RYR2: variants seen among roughly 807,000 people sequenced by gnomAD.
The protein encoded by RYR2 is cardiac muscle ryanodine receptor-calcium release channel.
RYR2 carries 227 observed loss-of-function variants against 601.1 expected under a neutral mutation model. The observed-to-expected ratio is 0.38, with a 90% CI of 0.34 to 0.42. The LOEUF is 0.42. RYR2 is among the 10% of genes least tolerant of loss of function. The pLI, the probability that RYR2 is intolerant of heterozygous loss-of-function variation, is 1.00. For missense variants in RYR2, 4,646 were observed against 6,156.5 expected, an observed-to-expected ratio of 0.75 and a Z score of 8.21; for synonymous variants, 2,223 against 2,175.1, an observed-to-expected ratio of 1.02 and a Z score of -0.61.
intron 12 of RYR2, among the ~76,000 whole-genome samples, chr1:237,426,195 G>A (rs1045812573): frequency 2.0e-5 from 3 of 152,098 alleles, no homozygotes; most frequent in South Asian, 2.1e-4. Flanking sequence ...GGGTTATACC[G>A]AATGGTAGCA....
intron 1 of RYR2, among the ~76,000 whole-genome samples, chr1:237,085,599 G>C (rs182941502): frequency 1.4e-3 from 214 of 152,286 alleles, no homozygotes; most frequent in Admixed American, 3.7e-3. Flanking sequence ...TAATCTATTT[G>C]ATTAGATTGC....
At chr1:237,505,885 A>G (rs1665171132) in intron 22 of RYR2, among the ~76,000 whole-genome samples, 1 of 152,228 alleles carries the variant, frequency 6.6e-6, no homozygotes, top group Non-Finnish European at 1.5e-5. Context: ...ATGGGAACAT[A>G]TAAAGATTTT....
intron 1 of RYR2, among the ~76,000 whole-genome samples, chr1:237,178,109 A>G (rs1388323983): frequency 6.6e-6 from 1 of 152,140 alleles, no homozygotes; most frequent in Non-Finnish European, 1.5e-5. Flanking sequence ...GGTTTTAATG[A>G]GCATTTCTCT....
At chr1:237,735,101 C>G (rs928759221) in intron 79 of RYR2, among the ~76,000 whole-genome samples, 3 of 152,062 alleles carry the variant, frequency 2.0e-5, no homozygotes, top group Non-Finnish European at 2.9e-5. Flanking sequence ...GTGTGGTCAC[C>G]AAAATCATGT....
chr1:237,800,574 TA>T (rs1659846690), intron 97 of RYR2, among the ~76,000 whole-genome samples: 1 of 152,112 alleles, frequency 6.6e-6, no homozygotes, highest in Non-Finnish European at 1.5e-5. Flanking sequence ...AAGAAGTCAA[TA>T]AAGACTAAAA....
chr1:237,817,298 G>T (rs913105440), intron 100 of RYR2, among the ~76,000 whole-genome samples: 5 of 152,078 alleles, frequency 3.3e-5, no homozygotes, highest in Non-Finnish European at 7.4e-5. Context: ...ACTCATAGTT[G>T]AACTATGAGC....
intron 40 of RYR2, 90 bp from the exon 41 acceptor site, chr1:237,627,717 A>G (rs747871031): frequency 2.3e-6 from 3 of 1,328,464 alleles, no homozygotes; most frequent in African/African-American, 3.0e-5. Flanking sequence ...AGAAATACCA[A>G]TTTGGGGGTA....
At position 237,674,849 on chromosome 1, in the gene RYR2, AG is replaced by A. The variant is rs1685259789; in HGVS notation, c.8830+5del. On this transcript the variant is annotated splice_donor_region_variant and intron_variant, in intron 60 of 104. Transcript: ENST00000366574. ...CCATCAGTATATCCTGGAGTTTGGT[AG>A]GTACCATAGTCCCATTGCTAATAGC... 1 of 1,531,642 alleles carries A rather than the reference AG, an allele frequency of 6.5e-7. No individual in the cohort carries two copies. The highest frequency in any genetic ancestry group is 9.0e-7 in the Non-Finnish European group (1 of 1,106,996). The allele number at this position is 1,531,642 out of a possible 1,614,324, so 94.9% of individuals were successfully genotyped here. A position where few individuals can be genotyped will look rare whatever the true frequency, so the allele number is the denominator to read the frequency against.
Position 237,496,654 on chromosome 1 carries a change from G to A in RYR2, c.2105G>A (p.Gly702Glu). Residue 702 changes from glycine (G) to glutamate (E), a missense_variant, in exon 20 of 105, where the codon GGA becomes GAA. Physicochemically the swap from Gly to Glu is moderately conservative, Grantham distance 98. This residue lies in a region of RYR2 where 1,807 missense variants were observed against 2,088.1 expected (regional missense o/e 0.87). Coordinates refer to ENST00000366574, the MANE Select transcript of RYR2 (RefSeq NM_001035.3). ...HLRVGWASTE[G>E]YSPYPGGGEE... ...CGAGTGGGCTGGGCTTCCACTGAAG[G>A]ATATTCTCCCTACCCTGGAGGGGGC... The A allele has an allele frequency of 1.2e-6, 2 of 1,613,976 alleles. No individual in the cohort carries two copies. Among genetic ancestry groups the A allele is most frequent in the Non-Finnish European group, 1.7e-6 (2 of 1,179,888 alleles).
At chr1:237,638,206 G>T (rs1469784318) in intron 44 of RYR2, 151 bp from the exon 45 acceptor site, 13 of 836,570 alleles carry the variant, frequency 1.6e-5, no homozygotes, top group Non-Finnish European at 2.2e-5. Context: ...ACTAAAGGGA[G>T]TTCAAGTAGA....
chr1:237,622,531 T>C (rs1775836), intron 38 of RYR2, among the ~76,000 whole-genome samples: 121,088 of 152,134 alleles, frequency 0.8, 48,488 homozygotes, highest in Admixed American at 0.83. Context: ...TGGGTTCTAT[T>C]CTCAAAATAG....
At chr1:237,301,302 A>G (rs1056851425) in intron 2 of RYR2, among the ~76,000 whole-genome samples, 1 of 152,018 alleles carries the variant, frequency 6.6e-6, no homozygotes, top group African/African-American at 2.4e-5. Flanking sequence ...GATTGCAAGT[A>G]TTAGTATTAG....
chr1:237,259,883 G>T (rs1035848697), intron 1 of RYR2, among the ~76,000 whole-genome samples: 5 of 152,284 alleles, frequency 3.3e-5, no homozygotes, highest in Non-Finnish European at 7.3e-5. Flanking sequence ...GAGAAGACTA[G>T]ATTATTCTGT....
chr1:237,447,437 A>C (rs1558833816), intron 14 of RYR2, among the ~76,000 whole-genome samples: 1 of 152,170 alleles, frequency 6.6e-6, no homozygotes, highest in Non-Finnish European at 1.5e-5. Context: ...TTCTGTGATA[A>C]AAAATGTTGA....
At chr1:237,386,946 T>C (rs1042247542) in intron 8 of RYR2, among the ~76,000 whole-genome samples, 1 of 152,222 alleles carries the variant, frequency 6.6e-6, no homozygotes, top group African/African-American at 2.4e-5. Context: ...GTAGAAAACC[T>C]AATTATAATT....
In RYR2 at chr1:237,152,648, A is replaced by C. The variant is rs908029489; in HGVS notation, c.48+110079A>C. Among the ~76,000 whole-genome samples the C allele has an allele frequency of 3.3e-5, 5 of 152,190 alleles. No homozygotes were observed. The East Asian group carries it at 9.6e-4, about 29-fold the overall frequency. Reference sequence around the variant, plus strand: ...CACGTTTGTTGGCTGCATGAAACAAAAATTAACTCAAGATGGATTAAAGAC... The same window carrying C: ...CACGTTTGTTGGCTGCATGAAACAACAATTAACTCAAGATGGATTAAAGAC... On this transcript the variant is annotated intron_variant, in intron 1 of 104. Transcript: ENST00000366574.
chr1:237,435,780 T>G (rs1707290512), intron 12 of RYR2, among the ~76,000 whole-genome samples: 1 of 152,162 alleles, frequency 6.6e-6, no homozygotes, highest in Non-Finnish European at 1.5e-5. Context: ...TTCTCATATA[T>G]GGAAACATTG....
At chr1:237,288,218 C>T (rs377225133) in intron 2 of RYR2, among the ~76,000 whole-genome samples, 9 of 152,088 alleles carry the variant, frequency 5.9e-5, no homozygotes, top group Non-Finnish European at 1.2e-4. Flanking sequence ...GCAGGTGGTG[C>T]GAGTGTGCAA....
At chr1:237,087,493 A>G (rs985344334) in intron 1 of RYR2, among the ~76,000 whole-genome samples, 2 of 152,200 alleles carry the variant, frequency 1.3e-5, no homozygotes, top group Non-Finnish European at 1.5e-5. Context: ...TGAGAAGTAT[A>G]ATGAGTAATG....
Sources: allele counts gnomAD v4.1 joint callset (sites outside exome capture counted in the v4.1 genomes callset), GRCh38; gene constraint gnomAD v4.1.1; regional missense constraint gnomAD v4.1.1; transcripts MANE v1.5; gene names NCBI Gene and HGNC (gene_info 2026-07-23, HGNC 2026-07-21).